The following JAK2 variants were observed in gnomAD, a reference collection of about 807,000 sequenced individuals.
The protein encoded by JAK2 is tyrosine-protein kinase JAK2.
In JAK2, 86 loss-of-function variants were observed where a neutral mutation model predicts 139.3. The ratio of observed to expected loss-of-function variants is 0.62; its 90% confidence interval spans 0.52 to 0.74. The LOEUF (loss-of-function observed/expected upper bound fraction) is 0.74. Ranked by LOEUF, JAK2 falls within the 30% of genes least tolerant of loss-of-function variation. The pLI is 0.00. For missense variants in JAK2, 1,421 were observed against 1,360.3 expected, an observed-to-expected ratio of 1.04 and a Z score of -0.70; for synonymous variants, 490 against 437.7, an observed-to-expected ratio of 1.12 and a Z score of -1.49.
At position 5,002,570 on chromosome 9, in the gene JAK2, T is replaced by C. The variant is rs552046367; in HGVS notation, c.-26+16548T>C. 3.3e-3 allele frequency among the ~76,000 whole-genome samples: 501 copies of C among 152,124 alleles called. 6 individuals carry two copies. The highest frequency in any genetic ancestry group is 4.0e-3 in the Non-Finnish European group (273 of 67,840). On this transcript the variant is annotated intron_variant, in intron 2 of 24. Coordinates refer to ENST00000381652, the MANE Select transcript of JAK2 (RefSeq NM_004972.4). ...AACCTATGGTATAACTTAGTGAATGTTCTGTGAGCACTTGAAAAGGATGTA... is the reference window on the plus strand; with the variant it reads ...AACCTATGGTATAACTTAGTGAATGCTCTGTGAGCACTTGAAAAGGATGTA...
chr9:5,092,770 A>C (rs935986582), intron 22 of JAK2, among the ~76,000 whole-genome samples: 2 of 152,220 alleles, frequency 1.3e-5, no homozygotes, highest in Non-Finnish European at 2.9e-5. Context: ...AAGATTCATG[A>C]GTAGTGGTGA....
At chr9:5,056,775 T>A (rs1817796551) in intron 8 of JAK2, among the ~76,000 whole-genome samples, 1 of 152,180 alleles carries the variant, frequency 6.6e-6, no homozygotes, top group Non-Finnish European at 1.5e-5. Context: ...AGTTTATTGA[T>A]CTTAATGTGA....
chr9:5,077,682 G>A, intron 15 of JAK2, 102 bp downstream of exon 15: 1 of 645,458 alleles, frequency 1.5e-6, no homozygotes, highest in Non-Finnish European at 2.4e-6. Flanking sequence ...GTAATTGGAT[G>A]CCAATTCATG....
chr9:5,059,490 T>G (rs1172919794), intron 8 of JAK2, among the ~76,000 whole-genome samples: 1 of 152,144 alleles, frequency 6.6e-6, no homozygotes, highest in East Asian at 1.9e-4. Flanking sequence ...TGCTTTCACT[T>G]TGGGGATTTT....
At chr9:5,053,036 A>G (rs1309396544) in intron 6 of JAK2, among the ~76,000 whole-genome samples, 4 of 152,034 alleles carry the variant, frequency 2.6e-5, no homozygotes, top group East Asian at 1.9e-4. Flanking sequence ...CCTGGAACAT[A>G]TGGTAACTGT....
chr9:5,103,082 T>TA (rs1377440488), intron 22 of JAK2, among the ~76,000 whole-genome samples: 2 of 151,190 alleles, frequency 1.3e-5, no homozygotes, highest in Non-Finnish European at 2.9e-5. Context: ...ATGCCCCAAT[T>TA]AAAAAACACA....
intron 22 of JAK2, among the ~76,000 whole-genome samples, chr9:5,116,506 A>G (rs1362817355): frequency 1.3e-5 from 2 of 152,206 alleles, no homozygotes; most frequent in Non-Finnish European, 2.9e-5. Flanking sequence ...ATCCCCAGTG[A>G]TACATGAATT....
chr9:5,102,431 G>C (rs570756132), intron 22 of JAK2, among the ~76,000 whole-genome samples: 1 of 152,328 alleles, frequency 6.6e-6, no homozygotes, highest in African/African-American at 2.4e-5. Flanking sequence ...GTACCTGAAA[G>C]TGACGGGGAG....
intron 12 of JAK2, 120 bp from the exon 13 acceptor site, chr9:5,072,372 T>G (rs1819012264): frequency 3.1e-6 from 2 of 646,018 alleles, no homozygotes; most frequent in Admixed American, 3.4e-5. Flanking sequence ...TGGATTTAGA[T>G]TCTAAGGAAA....
intron 2 of JAK2, among the ~76,000 whole-genome samples, chr9:5,004,781 A>T (rs115877606): frequency 2.8e-3 from 431 of 152,208 alleles, no homozygotes; most frequent in African/African-American, 0.01. Flanking sequence ...CCACACACTC[A>T]CCAATGCTTG....
chr9:5,076,688 T>G (rs1586746469), intron 14 of JAK2, among the ~76,000 whole-genome samples: 2 of 152,156 alleles, frequency 1.3e-5, no homozygotes. Flanking sequence ...TTTATTTTAG[T>G]GCCTCACAAA....
intron 22 of JAK2, chr9:5,114,614 G>A (rs1389560363): frequency 6.2e-6 from 3 of 486,800 alleles, no homozygotes; most frequent in African/African-American, 2.0e-5. Context: ...ACAACGAGGT[G>A]CAGCTCCCGG....
intron 8 of JAK2, among the ~76,000 whole-genome samples, chr9:5,059,263 C>T (rs1817990108): frequency 6.6e-6 from 1 of 152,180 alleles, no homozygotes; most frequent in Non-Finnish European, 1.5e-5. Flanking sequence ...TACCTATCAT[C>T]TACCATCACT....
chr9:5,007,077 A>G (rs535113884), intron 2 of JAK2, among the ~76,000 whole-genome samples: 14 of 152,138 alleles, frequency 9.2e-5, no homozygotes, highest in African/African-American at 2.9e-4. Context: ...TAAAAAGCCA[A>G]CGTTTTACTT....
In JAK2 at chr9:5,049,276, T is replaced by G. The variant is rs186049420; in HGVS notation, c.469-1410T>G. The stretch of plus-strand genomic sequence containing the variant: ...ATGATGAAAACAGATCTCCATAGTT[T>G]CTAGGATCAGGTCATTCAAGGGTAC... On this transcript the variant is annotated intron_variant, in intron 5 of 24. Transcript: ENST00000381652. Among the ~76,000 whole-genome samples the G allele has an allele frequency of 3.0e-4, 46 of 152,318 alleles. No individual in the cohort carries two copies. The East Asian group carries it at 8.7e-3, about 29-fold the overall frequency.
At chr9:5,104,882 T>A (rs1004284795) in intron 22 of JAK2, among the ~76,000 whole-genome samples, 12 of 152,172 alleles carry the variant, frequency 7.9e-5, no homozygotes, top group African/African-American at 2.7e-4. Flanking sequence ...AAACTCTCAA[T>A]AAACTAGGTA....
intron 4 of JAK2, among the ~76,000 whole-genome samples, chr9:5,030,822 C>G (rs1823096451): frequency 6.6e-6 from 1 of 151,780 alleles, no homozygotes; most frequent in African/African-American, 2.4e-5. Flanking sequence ...TTACTGATGT[C>G]TAATGTATAA....
intron 2 of JAK2, among the ~76,000 whole-genome samples, chr9:5,005,865 C>G (rs200571738): frequency 2.0e-5 from 3 of 152,194 alleles, no homozygotes; most frequent in African/African-American, 7.2e-5. Context: ...CTCTGTTTTG[C>G]TACCAGTACC....
Position 5,077,504 on chromosome 9 carries a change from A to G in JAK2, c.1916A>G (p.Lys639Arg), listed in dbSNP as rs546350643. The G allele has an allele frequency of 1.4e-6, 2 of 1,435,472 alleles. No homozygotes were observed. Among genetic ancestry groups the G allele is most frequent in the South Asian group, 1.5e-5 (1 of 66,020 alleles). 88.9% of individuals were successfully genotyped at this position (1,435,472 alleles called of 1,614,324 possible). A position where few individuals can be genotyped will look rare whatever the true frequency, so the allele number is the denominator to read the frequency against. Residue 639 changes from lysine to arginine, a missense_variant, in exon 15 of 25, where the codon AAA (lysine) becomes AGA (arginine). By Grantham distance (26) the Lys-to-Arg change is conservative (BLOSUM62 2). Transcript: ENST00000381652. Reference protein sequence around the residue: ...VKFGSLDTYLKKNKNCINILW... With the variant: ...VKFGSLDTYLRKNKNCINILW... ...TTTGGATCACTAGATACATATCTGAAAAAGAATAAAAATTGTATAAATATA... is the reference window on the plus strand; with the variant it reads ...TTTGGATCACTAGATACATATCTGAGAAAGAATAAAAATTGTATAAATATA...
Sources: gnomAD v4.1 joint callset for allele counts (sites outside exome capture counted in the v4.1 genomes callset) on GRCh38, gnomAD v4.1.1 for gene constraint, MANE v1.5 for transcripts, NCBI Gene and HGNC (gene_info 2026-07-23, HGNC 2026-07-21) for gene names.